MTUS2: variants seen among roughly 807,000 people sequenced by gnomAD.
MTUS2 encodes the protein microtubule associated scaffold protein 2.
In MTUS2, 40 loss-of-function variants were observed where a neutral mutation model predicts 114.1. That is an observed-to-expected ratio of 0.35 (90% confidence interval 0.27 to 0.46). MTUS2 has a LOEUF of 0.46. Ranked by LOEUF, MTUS2 falls within the 20% of genes least tolerant of loss-of-function variation. The pLI is 1.00. For missense variants in MTUS2, 1,679 were observed against 1,705.4 expected (o/e 0.98, Z 0.27); for synonymous variants, 688 against 672.0 (o/e 1.02, Z -0.37).
intron 5 of MTUS2, among the ~76,000 whole-genome samples, chr13:29,207,487 T>A (rs1382092344): frequency 6.6e-6 from 1 of 152,204 alleles, no homozygotes; most frequent in Non-Finnish European, 1.5e-5. Flanking sequence ...AAAGTGGGCA[T>A]CCTTGACTGG....
At chr13:28,949,194 C>T (rs562319792) in intron 2 of MTUS2, among the ~76,000 whole-genome samples, 59 of 152,254 alleles carry the variant, frequency 3.9e-4, no homozygotes, top group Admixed American at 7.2e-4. Flanking sequence ...TCTCTTCTCC[C>T]GTTCATTGAG....
intron 5 of MTUS2, among the ~76,000 whole-genome samples, chr13:29,262,882 T>C (rs1298063183): frequency 6.6e-6 from 1 of 152,130 alleles, no homozygotes; most frequent in Non-Finnish European, 1.5e-5. Flanking sequence ...CTTGAAGAAA[T>C]GACAGCTGAT....
intron 8 of MTUS2, among the ~76,000 whole-genome samples, chr13:29,429,148 C>T (rs1368554762): frequency 1.3e-5 from 2 of 152,192 alleles, no homozygotes; most frequent in Admixed American, 6.5e-5. Context: ...GTTGCATTTT[C>T]CTGAAATAGT....
At chr13:29,088,319 T>C (rs1889790245) in intron 4 of MTUS2, among the ~76,000 whole-genome samples, 1 of 152,206 alleles carries the variant, frequency 6.6e-6, no homozygotes, top group Non-Finnish European at 1.5e-5. Context: ...TCTAATTTTA[T>C]TGTGTGATCT....
intron 5 of MTUS2, among the ~76,000 whole-genome samples, chr13:29,188,438 A>C (rs1024206503): frequency 3.3e-5 from 5 of 152,238 alleles, no homozygotes; most frequent in Non-Finnish European, 5.9e-5. Flanking sequence ...TATTTCTTAC[A>C]TAGCTGACTG....
intron 2 of MTUS2, among the ~76,000 whole-genome samples, chr13:28,965,669 A>G (rs1015068297): frequency 6.6e-6 from 1 of 152,134 alleles, no homozygotes; most frequent in African/African-American, 2.4e-5. Context: ...TTGGCTCATC[A>G]ACTGTAGGAA....
chr13:29,352,134 C>T (rs1287231286), intron 7 of MTUS2, among the ~76,000 whole-genome samples: 5 of 152,172 alleles, frequency 3.3e-5, no homozygotes, highest in African/African-American at 1.2e-4. Context: ...GTGATATTGG[C>T]AGAAAATAGA....
intron 2 of MTUS2, among the ~76,000 whole-genome samples, chr13:28,866,229 T>G (rs1439747022): frequency 6.6e-6 from 1 of 152,216 alleles, no homozygotes. Flanking sequence ...TGGTGCTGAT[T>G]ACTGCACTAT....
chr13:29,253,533 C>T (rs558147176), intron 5 of MTUS2, among the ~76,000 whole-genome samples: 7 of 152,156 alleles, frequency 4.6e-5, no homozygotes, highest in African/African-American at 9.7e-5. Flanking sequence ...TCCAGCCCAG[C>T]GTCTGTCCTG....
At position 29,378,027 on chromosome 13, in the gene MTUS2, G is replaced by A. The variant is rs78339900; in HGVS notation, c.3117+18554G>A. On this transcript the variant is annotated intron_variant, in intron 8 of 15. Coordinates refer to ENST00000612955, the MANE Select transcript of MTUS2 (RefSeq NM_001033602.4). The stretch of plus-strand genomic sequence containing the variant: ...AAAGAAGCTGGTCTCGAAAGGTTAC[G>A]CACTGTCTGGTTTCATTTATATAAG... 3.8e-3 allele frequency among the ~76,000 whole-genome samples: 581 copies of A among 152,276 alleles called. 8 individuals are homozygous for A. Among genetic ancestry groups the A allele is most frequent in the African/African-American group, 0.013 (557 of 41,550 alleles).
chr13:29,343,758 CTTTCAGCT>C (rs2138134394), intron 7 of MTUS2, among the ~76,000 whole-genome samples: 1 of 152,148 alleles, frequency 6.6e-6, no homozygotes, highest in African/African-American at 2.4e-5. Context: ...TGTTTGTCCT[CTTTCAGCT>C]TTTTGATGCA....
At chr13:29,283,169 G>A (rs1366165236) in intron 6 of MTUS2, among the ~76,000 whole-genome samples, 1 of 152,170 alleles carries the variant, frequency 6.6e-6, no homozygotes, top group African/African-American at 2.4e-5. Flanking sequence ...TGGGAGTGAA[G>A]TATTATCCCA....
chr13:29,397,112 G>T (rs2138470657), intron 8 of MTUS2, among the ~76,000 whole-genome samples: 1 of 152,250 alleles, frequency 6.6e-6, no homozygotes, highest in African/African-American at 2.4e-5. Context: ...GGTTTCACTA[G>T]GTTGACAGCC....
Position 29,359,014 on chromosome 13 carries a change from T to A in MTUS2, c.2906-248T>A, listed in dbSNP as rs1461489274. 2.7e-5 allele frequency among the ~76,000 whole-genome samples: 4 copies of A among 150,354 alleles called. No homozygotes were observed. The East Asian group carries it at 5.9e-4, about 22-fold the overall frequency. Reference sequence around the variant, plus strand: ...CAAGCCTAGAAGAAGTGTCGGAAGCTGGAAGGAATTTGGCAATTTTGTCTG... The same window carrying A: ...CAAGCCTAGAAGAAGTGTCGGAAGCAGGAAGGAATTTGGCAATTTTGTCTG... On this transcript the variant is annotated intron_variant, in intron 7 of 15. Transcript: ENST00000612955.
At chr13:29,073,327 G>T (rs1278675813) in intron 4 of MTUS2, among the ~76,000 whole-genome samples, 4 of 152,116 alleles carry the variant, frequency 2.6e-5, no homozygotes, top group Non-Finnish European at 4.4e-5. Context: ...AGTTAGCCTC[G>T]TGTTTTGTAT....
intron 8 of MTUS2, among the ~76,000 whole-genome samples, chr13:29,419,223 T>C (rs1046247689): frequency 3.3e-5 from 5 of 152,162 alleles, no homozygotes; most frequent in African/African-American, 9.7e-5. Context: ...CTGCTGGGAC[T>C]CGAGTCTCAT....
At chr13:29,500,966 C>G in intron 14 of MTUS2, 131 bp from the exon 15 acceptor site, 1 of 648,382 alleles carries the variant, frequency 1.5e-6, no homozygotes, top group East Asian at 2.7e-5. Flanking sequence ...TTAAAACCCA[C>G]TAAAGCATTG....
chr13:28,874,378 T>C (rs1593262273), intron 2 of MTUS2, among the ~76,000 whole-genome samples: 1 of 152,206 alleles, frequency 6.6e-6, no homozygotes, highest in African/African-American at 2.4e-5. Context: ...CTACAAAAAC[T>C]TAATAGCTTA....
intron 7 of MTUS2, among the ~76,000 whole-genome samples, chr13:29,346,016 G>A (rs1868641131): frequency 6.6e-6 from 1 of 152,208 alleles, no homozygotes; most frequent in Admixed American, 6.5e-5. Flanking sequence ...TCTGTCTTCA[G>A]GTCTGTCAGC....
Sources: allele counts gnomAD v4.1 joint callset (sites outside exome capture counted in the v4.1 genomes callset), GRCh38; gene constraint gnomAD v4.1.1; transcripts MANE v1.5; gene names NCBI Gene and HGNC (gene_info 2026-07-23, HGNC 2026-07-21).